Variants in KLHL5 observed in about 807,000 individuals in gnomAD.
The protein encoded by KLHL5 is kelch-like protein 5.
Under a neutral mutation model 77.7 loss-of-function variants are expected in KLHL5, and 48 were observed. The observed-to-expected ratio is 0.62, with a 90% CI of 0.49 to 0.79. KLHL5 has a LOEUF of 0.79. Among genes scored for constraint, KLHL5 ranks in the 30% least tolerant of loss-of-function variants. KLHL5 has a pLI of 0.00. For missense variants in KLHL5, 723 were observed against 859.7 expected (o/e 0.84, Z 1.99); for synonymous variants, 260 against 297.0 (o/e 0.88, Z 1.28).
the KLHL5 span, among the ~76,000 whole-genome samples, chr4:39,141,823 GGCTAGCAGCAGC>G: frequency 6.6e-6 from 1 of 152,116 alleles, no homozygotes; most frequent in Non-Finnish European, 1.5e-5. Flanking sequence ...AGGGTGTTGA[GGCTAGCAGCAGC>G]CACAATTCGA....
At chr4:39,072,555 G>C (rs1718582006) in intron 1 of KLHL5, among the ~76,000 whole-genome samples, 1 of 152,070 alleles carries the variant, frequency 6.6e-6, no homozygotes, top group Non-Finnish European at 1.5e-5. Context: ...AGAGAATACT[G>C]AACACTTGAA....
chr4:39,091,149 T>C (rs1046325346), intron 5 of KLHL5, among the ~76,000 whole-genome samples: 2 of 151,710 alleles, frequency 1.3e-5, no homozygotes, highest in African/African-American at 4.8e-5. Context: ...CCACTACGCC[T>C]GGCTAATTTT....
upstream of KLHL5, among the ~76,000 whole-genome samples, chr4:39,059,996 T>A (rs973021582): frequency 6.6e-6 from 1 of 152,204 alleles, no homozygotes; most frequent in Admixed American, 6.5e-5. Context: ...GATGTTTCTT[T>A]CAACATTATT....
intron 10 of KLHL5, 68 bp downstream of exon 10, chr4:39,115,398 G>T: frequency 6.3e-7 from 1 of 1,590,342 alleles, no homozygotes; most frequent in South Asian, 1.1e-5. Flanking sequence ...TGGTAAAACA[G>T]ATCCCCTCAA....
chr4:39,060,441 T>TACCACCACCACCACCACCACC (rs71192817), upstream of KLHL5, among the ~76,000 whole-genome samples: 129 of 148,950 alleles, frequency 8.7e-4, no homozygotes, highest in South Asian at 2.0e-3. Context: ...ACTAAAAATC[T>TACCACCACCACCACCACCACC]ACCACCACCA....
chr4:39,113,102 C>T lies in KLHL5; in HGVS notation c.1771C>T (p.Leu591=). The T allele has an allele frequency of 6.2e-7, 1 of 1,613,976 alleles. No individual in the cohort carries two copies. The highest frequency in any genetic ancestry group is 1.7e-5 in the Admixed American group (1 of 60,002). The change falls in exon 9 of 11, where the codon CTG becomes TTG. Residue 591 remains leucine, a synonymous_variant. Coordinates refer to ENST00000504108, the MANE Select transcript of KLHL5 (RefSeq NM_015990.5). The stretch of plus-strand genomic sequence containing the variant: ...TGATCCTCATACTAATAAGTGGACA[C>T]TGTGTGCACAGATGTCAAAAAGGAG... ...CFDPHTNKWT[L]CAQMSKRRGG... is the part of the protein sequence containing the mutation.
At chr4:39,055,222 A>G (rs1716928805) in intron 1 of KLHL5, among the ~76,000 whole-genome samples, 1 of 152,232 alleles carries the variant, frequency 6.6e-6, no homozygotes, top group South Asian at 2.1e-4. Flanking sequence ...ACATTAGAAT[A>G]TTAATTAACT....
chr4:39,132,570 T>C, the KLHL5 span, among the ~76,000 whole-genome samples: 3 of 151,070 alleles, frequency 2.0e-5, no homozygotes, highest in African/African-American at 7.3e-5. Context: ...ATCACCGCAC[T>C]GCACTCCAGC....
chr4:39,107,389 A>T (rs1438353522), intron 7 of KLHL5, among the ~76,000 whole-genome samples, 180 bp from the exon 8 acceptor site: 3 of 134,106 alleles, frequency 2.2e-5, no homozygotes, highest in African/African-American at 5.4e-5. Flanking sequence ...TGCTATTTCA[A>T]CCCACCCACC....
intron 8 of KLHL5, among the ~76,000 whole-genome samples, chr4:39,108,916 T>G (rs2109553335): frequency 6.6e-6 from 1 of 152,318 alleles, no homozygotes; most frequent in African/African-American, 2.4e-5. Context: ...TTTCCGGACC[T>G]ACCGTAGCTT....
chr4:39,045,865 TC>T (rs1474846653), intron 1 of KLHL5, among the ~76,000 whole-genome samples: 3 of 151,650 alleles, frequency 2.0e-5, no homozygotes, highest in Non-Finnish European at 2.9e-5. Context: ...GGTGTCTTCT[TC>T]CAGAGGTTAG....
chr4:39,105,108 G>A lies in KLHL5; in HGVS notation c.1525+1597G>A, dbSNP rs1721919847. 2.0e-5 allele frequency among the ~76,000 whole-genome samples: 3 copies of A among 151,454 alleles called. No homozygotes were observed. The South Asian group carries it at 6.2e-4, about 31-fold the overall frequency. ...CATTCCTTTTATCTCTTCATATGTG[G>A]TAATTATATGAAAATTTCATTTAAA... On this transcript the variant is annotated intron_variant, in intron 7 of 10. Coordinates refer to ENST00000504108, the MANE Select transcript of KLHL5 (RefSeq NM_015990.5).
At chr4:39,118,799 A>C (rs1723027450) in intron 10 of KLHL5, among the ~76,000 whole-genome samples, 1 of 152,032 alleles carries the variant, frequency 6.6e-6, no homozygotes, top group South Asian at 2.1e-4. Flanking sequence ...TAGAAGAAAG[A>C]TCTTACCCTC....
intron 2 of KLHL5, among the ~76,000 whole-genome samples, chr4:39,076,768 C>T (rs1431434303): frequency 6.8e-6 from 1 of 147,106 alleles, no homozygotes; most frequent in Non-Finnish European, 1.5e-5. Flanking sequence ...TTTGGATGCC[C>T]ATCAAAACTA....
intron 1 of KLHL5, among the ~76,000 whole-genome samples, chr4:39,054,553 CACTT>C (rs1716884922): frequency 6.6e-6 from 1 of 152,156 alleles, no homozygotes; most frequent in African/African-American, 2.4e-5. Context: ...TTAGATGTGC[CACTT>C]ACTTAATCCT....
chr4:39,053,592 C>T (rs571428697), intron 1 of KLHL5, among the ~76,000 whole-genome samples: 1 of 152,074 alleles, frequency 6.6e-6, no homozygotes, highest in East Asian at 1.9e-4. Context: ...AGTTTTCTTC[C>T]TTGTGCACAG....
intron 7 of KLHL5, among the ~76,000 whole-genome samples, chr4:39,103,833 T>A (rs536398611): frequency 1.5e-3 from 92 of 59,750 alleles, no homozygotes; most frequent in African/African-American, 5.8e-3. Flanking sequence ...TTTTTTTTTT[T>A]AATTAAAAAA....
At chr4:39,044,996 A>G (rs1416436718), upstream of KLHL5, 2 of 991,302 alleles carry the variant, frequency 2.0e-6, no homozygotes, top group African/African-American at 1.8e-5. Context: ...GGGGCCGAGC[A>G]TCCCACTCAG....
At chr4:39,092,489 T>C (rs1720674841) in intron 5 of KLHL5, among the ~76,000 whole-genome samples, 1 of 152,216 alleles carries the variant, frequency 6.6e-6, no homozygotes, top group Non-Finnish European at 1.5e-5. Flanking sequence ...AGTAATTGTA[T>C]ATAATAGAAT....
Sources: allele counts gnomAD v4.1 joint callset (sites outside exome capture counted in the v4.1 genomes callset), GRCh38; gene constraint gnomAD v4.1.1; transcripts MANE v1.5; gene names NCBI Gene and HGNC (gene_info 2026-07-23, HGNC 2026-07-21).